The following EPB41L2 variants were observed in gnomAD, a reference collection of about 807,000 sequenced individuals.
The protein encoded by EPB41L2 is erythrocyte membrane protein band 4.1 like 2.
EPB41L2 carries 43 observed loss-of-function variants against 113.0 expected under a neutral mutation model. The ratio of observed to expected loss-of-function variants is 0.38; its 90% CI spans 0.30 to 0.49. The LOEUF (loss-of-function observed/expected upper bound fraction) is 0.49. EPB41L2 is among the 20% of genes least tolerant of loss of function. The pLI is 0.95. For synonymous variants in EPB41L2, 442 were observed against 436.7 expected, an observed-to-expected ratio of 1.01 and a Z score of -0.15; for missense variants, 1,147 against 1,223.4, an observed-to-expected ratio of 0.94 and a Z score of 0.93.
chr6:130,949,782 A>C lies in EPB41L2; in HGVS notation c.705+5323T>G, dbSNP rs143482446. On this transcript the variant is annotated intron_variant, in intron 3 of 19. Transcript: ENST00000337057. ...CCACCAAGAAACAGACAGCAAGACC[A>C]GTCCCTCCTCTTCCTCCTCCTCTTC... Among the ~76,000 whole-genome samples, 524 of 152,248 alleles carry C rather than the reference A, an allele frequency of 3.4e-3. 2 individuals are homozygous for C. The highest frequency in any genetic ancestry group is 4.9e-3 in the Non-Finnish European group (336 of 68,000).
chr6:130,875,669 T>C (rs1208209805), intron 14 of EPB41L2, among the ~76,000 whole-genome samples: 4 of 152,160 alleles, frequency 2.6e-5, no homozygotes, highest in Admixed American at 6.5e-5. Flanking sequence ...ATTTACTTCC[T>C]AGTGTCTGAA....
chr6:130,947,461 G>C (rs1300833502), intron 3 of EPB41L2, among the ~76,000 whole-genome samples: 1 of 152,192 alleles, frequency 6.6e-6, no homozygotes, highest in African/African-American at 2.4e-5. Context: ...TTTGCTGAGA[G>C]TAAACAGATG....
intron 11 of EPB41L2, among the ~76,000 whole-genome samples, chr6:130,889,888 T>C (rs1382318824): frequency 1.3e-5 from 2 of 152,156 alleles, no homozygotes; most frequent in African/African-American, 4.8e-5. Flanking sequence ...ATTTCTAATA[T>C]TTTTTGTATT....
At chr6:130,908,766 C>A in intron 5 of EPB41L2, 55 bp downstream of exon 5, 1 of 1,383,324 alleles carries the variant, frequency 7.2e-7, no homozygotes, top group South Asian at 1.3e-5. Context: ...TCATTTATAT[C>A]ACAAATAGAT....
chr6:130,956,511 A>G lies in EPB41L2; in HGVS notation c.-14-12T>C, dbSNP rs1003161965. ...GGCCACAGCTTATGCTGTAATCAAA[A>G]CAAAAATCATAAAATGTCATTTTGT... On this transcript the variant is annotated splice_polypyrimidine_tract_variant and intron_variant, in intron 1 of 19. Transcript: ENST00000337057. 2.6e-6 allele frequency: 4 copies of G among 1,567,502 alleles called. No homozygotes were observed. In the African/African-American group the frequency reaches 4.1e-5, roughly 16 times the overall value.
intron 18 of EPB41L2, among the ~76,000 whole-genome samples, chr6:130,860,493 T>C (rs1161728289): frequency 1.3e-5 from 2 of 152,264 alleles, no homozygotes; most frequent in Non-Finnish European, 2.9e-5. Flanking sequence ...ATAAGGATTA[T>C]GAGAAAACAT....
At chr6:131,051,815 G>A (rs1796619367) in intron 1 of EPB41L2, among the ~76,000 whole-genome samples, 2 of 152,132 alleles carry the variant, frequency 1.3e-5, no homozygotes, top group African/African-American at 2.4e-5. Flanking sequence ...AACTGAGAGT[G>A]GAGAAAGACA....
chr6:130,871,759 T>A (rs941207363), intron 14 of EPB41L2, among the ~76,000 whole-genome samples: 6 of 152,220 alleles, frequency 3.9e-5, no homozygotes, highest in Non-Finnish European at 8.8e-5. Context: ...AAACTCTCAA[T>A]CTATTTTGAT....
chr6:131,040,192 C>T (rs1348183114), intron 1 of EPB41L2, among the ~76,000 whole-genome samples: 1 of 152,158 alleles, frequency 6.6e-6, no homozygotes, highest in African/African-American at 2.4e-5. Context: ...AATTCCAGCA[C>T]TTTGGGTGGC....
In EPB41L2 at chr6:130,956,516, A is replaced by T. The variant is rs759278279; in HGVS notation, c.-14-17T>A. ...CAGCTTATGCTGTAATCAAAACAAA[A>T]ATCATAAAATGTCATTTTGTAAGTT... On this transcript the variant is annotated splice_polypyrimidine_tract_variant and intron_variant, in intron 1 of 19. Transcript: ENST00000337057. 2 of 1,564,266 alleles carry T rather than the reference A, an allele frequency of 1.3e-6. No individual in the cohort carries two copies. The highest frequency in any genetic ancestry group is 2.8e-5 in the African/African-American group (2 of 72,668).
intron 4 of EPB41L2, among the ~76,000 whole-genome samples, chr6:130,919,647 T>C (rs1186040333): frequency 1.3e-5 from 2 of 152,306 alleles, no homozygotes; most frequent in Non-Finnish European, 1.5e-5. Flanking sequence ...CTTAATTACA[T>C]CTCATCAGCA....
intron 7 of EPB41L2, 105 bp from the exon 8 acceptor site, chr6:130,899,683 A>AC: frequency 1.9e-6 from 2 of 1,041,606 alleles, no homozygotes; most frequent in South Asian, 2.9e-5. Context: ...AGAGAAAGTT[A>AC]CCCAGCCAAG....
chr6:130,970,765 G>A (rs140453008), intron 1 of EPB41L2, among the ~76,000 whole-genome samples: 102 of 152,116 alleles, frequency 6.7e-4, no homozygotes, highest in Non-Finnish European at 1.2e-3. Flanking sequence ...CCTTATCCTC[G>A]GGGAAAGAAG....
intron 10 of EPB41L2, 34 bp from the exon 11 acceptor site, chr6:130,890,500 GA>G: frequency 6.4e-7 from 1 of 1,558,790 alleles, no homozygotes; most frequent in Non-Finnish European, 8.6e-7. Context: ...AAGAGAGAGA[GA>G]AAGGGGAAGC....
intron 11 of EPB41L2, among the ~76,000 whole-genome samples, chr6:130,889,894 G>A (rs1350091064): frequency 1.3e-5 from 2 of 152,004 alleles, no homozygotes; most frequent in Admixed American, 6.6e-5. Context: ...AATATTTTTT[G>A]TATTCTGAAA....
chr6:130,878,294 A>G lies in EPB41L2; in HGVS notation c.1897-44T>C, dbSNP rs189866609. On this transcript the variant is annotated intron_variant, in intron 13 of 19. Coordinates refer to ENST00000337057, the MANE Select transcript of EPB41L2 (RefSeq NM_001431.4). ...ACAAAGGGGGGAAAAATCCAAAAGG[A>G]AAAAACCCAGTAGGACAAAAATAAA... is the stretch of plus-strand genomic sequence containing the variant. 965 of 1,571,762 alleles carry G rather than the reference A, an allele frequency of 6.1e-4. 1 individual carries two copies. Among genetic ancestry groups the G allele is most frequent in the Admixed American group, 1.1e-3 (57 of 50,462 alleles).
At position 130,865,581 on chromosome 6, in the gene EPB41L2, G is replaced by A; in HGVS notation, c.2784C>T (p.Ile928=). ...TCGTTGTTGACACGGACTCAGATGTGATGGTTTGTGCGGTCAGTAACGTGC... is the reference window on the plus strand; with the variant it reads ...TCGTTGTTGACACGGACTCAGATGTAATGGTTTGTGCGGTCAGTAACGTGC... The part of the protein sequence containing the change: ...DSGTLLTAQT[I]TSESVSTTTT... Residue 928 remains isoleucine (I), a synonymous_variant, in exon 17 of 20, where the codon ATC becomes ATT. Transcript: ENST00000337057. 2 of 1,614,172 alleles carry A rather than the reference G, an allele frequency of 1.2e-6. No homozygotes were observed. The highest frequency in any genetic ancestry group is 1.7e-6 in the Non-Finnish European group (2 of 1,180,024).
intron 4 of EPB41L2, among the ~76,000 whole-genome samples, chr6:130,919,875 T>C (rs939195520): frequency 2.0e-5 from 3 of 152,220 alleles, no homozygotes; most frequent in Admixed American, 6.5e-5. Flanking sequence ...TAATTCTTGG[T>C]TGGCTCCTTC....
chr6:130,994,121 G>GTC (rs10644247), intron 1 of EPB41L2, among the ~76,000 whole-genome samples: 78,750 of 151,844 alleles, frequency 0.52, 22,686 homozygotes, highest in East Asian at 0.81. Context: ...CCAGCAGGGA[G>GTC]TCTACCACTC....
Sources: allele counts gnomAD v4.1 joint callset (sites outside exome capture counted in the v4.1 genomes callset), GRCh38; gene constraint gnomAD v4.1.1; transcripts MANE v1.5; gene names NCBI Gene and HGNC (gene_info 2026-07-23, HGNC 2026-07-21).